PBX1: variants seen among roughly 807,000 people sequenced by gnomAD.
PBX1 encodes pre-B-cell leukemia transcription factor 1.
In PBX1, 6 loss-of-function variants were observed where a neutral mutation model predicts 53.4. That is an observed-to-expected ratio of 0.11 (90% CI 0.06 to 0.22). PBX1 has a LOEUF of 0.22. Ranked by LOEUF, PBX1 falls within the 10% of genes least tolerant of loss-of-function variation. The pLI, the probability that PBX1 is intolerant of heterozygous loss-of-function variation, is 1.00. For missense variants in PBX1, 251 were observed against 551.4 expected, an observed-to-expected ratio of 0.46 and a Z score of 5.46; for synonymous variants, 204 against 212.3, an observed-to-expected ratio of 0.96 and a Z score of 0.34.
intron 2 of PBX1, among the ~76,000 whole-genome samples, chr1:164,688,976 G>C (rs1482940970): frequency 6.6e-6 from 1 of 152,244 alleles, no homozygotes; most frequent in Non-Finnish European, 1.5e-5. Flanking sequence ...CCTGTGTCTG[G>C]CTGGAGGGTG....
At chr1:164,836,615 G>A (rs936719008) in intron 8 of PBX1, among the ~76,000 whole-genome samples, 9 of 152,074 alleles carry the variant, frequency 5.9e-5, no homozygotes, top group Non-Finnish European at 5.9e-5. Context: ...CTAGCACTCC[G>A]TTCTCGTACA....
intron 2 of PBX1, among the ~76,000 whole-genome samples, chr1:164,740,370 A>T (rs1665540376): frequency 6.6e-6 from 1 of 152,142 alleles, no homozygotes; most frequent in Non-Finnish European, 1.5e-5. Flanking sequence ...GAAAAAATAA[A>T]AAAAAAATGA....
In PBX1 at chr1:164,806,890, A is replaced by C. The variant is rs776844395; in HGVS notation, c.702-652A>C. On this transcript the variant is annotated intron_variant, in intron 4 of 8. Transcript: ENST00000420696. Reference sequence around the variant, plus strand: ...TTCCCTACTCTCACCCTGTGAAGTCAGTATCACCCTCTTCACTTTCACGGA... The same window carrying C: ...TTCCCTACTCTCACCCTGTGAAGTCCGTATCACCCTCTTCACTTTCACGGA... Among the ~76,000 whole-genome samples, 3 of 152,200 alleles carry C rather than the reference A, an allele frequency of 2.0e-5. No homozygotes were observed. The East Asian group carries it at 5.8e-4, about 29-fold the overall frequency.
At chr1:164,686,733 C>T (rs984016005) in intron 2 of PBX1, among the ~76,000 whole-genome samples, 8 of 151,808 alleles carry the variant, frequency 5.3e-5, no homozygotes, top group East Asian at 3.9e-4. Context: ...CTGAGGCGGG[C>T]GGATCACGAG....
Position 164,846,702 on chromosome 1 carries a change from A to G in PBX1, c.*26A>G. 1 of 1,613,856 alleles carries G rather than the reference A, an allele frequency of 6.2e-7. No individual in the cohort carries two copies. The highest frequency in any genetic ancestry group is 8.5e-7 in the Non-Finnish European group (1 of 1,179,912). On this transcript the variant is annotated 3_prime_UTR_variant, in exon 9 of 9. Transcript: ENST00000420696. ...TCTCCCAGCAATCGCATCCCGGCTGACCCTGTGCCCCAGTTGGGGCAGGGG... is the reference window on the plus strand; with the variant it reads ...TCTCCCAGCAATCGCATCCCGGCTGGCCCTGTGCCCCAGTTGGGGCAGGGG...
chr1:164,592,886 C>G (rs71519263), intron 2 of PBX1, among the ~76,000 whole-genome samples: 19,338 of 152,192 alleles, frequency 0.13, 1,781 homozygotes, highest in East Asian at 0.41. Flanking sequence ...TGCTCTCTCT[C>G]CTTCCCCACA....
At chr1:164,781,230 A>T (rs1667918592) in intron 2 of PBX1, among the ~76,000 whole-genome samples, 1 of 152,138 alleles carries the variant, frequency 6.6e-6, no homozygotes, top group African/African-American at 2.4e-5. Flanking sequence ...GTGTTTTGAA[A>T]TGGACCTGGG....
intron 2 of PBX1, among the ~76,000 whole-genome samples, chr1:164,781,611 ACTC>A (rs1014523580): frequency 1.3e-5 from 2 of 151,834 alleles, no homozygotes; most frequent in African/African-American, 4.8e-5. Context: ...ATATACAGCC[ACTC>A]CTCACCACCT....
At chr1:164,841,212 A>T (rs1671274398) in intron 8 of PBX1, among the ~76,000 whole-genome samples, 1 of 152,156 alleles carries the variant, frequency 6.6e-6, no homozygotes, top group Non-Finnish European at 1.5e-5. Context: ...GTGCAAAGAT[A>T]TTCAAATTCA....
rs187605057 is a variant in PBX1 at position 164,644,181 on chromosome 1, C to A, written c.265+80870C>A. ...GCCAGCTGCTTTCTGGTTTTCATTT[C>A]ATACATTAGATGAAAGCCGTGGGGG... On this transcript the variant is annotated intron_variant, in intron 2 of 8. Coordinates refer to ENST00000420696, the MANE Select transcript of PBX1 (RefSeq NM_002585.4). 1.2e-4 allele frequency among the ~76,000 whole-genome samples: 19 copies of A among 152,286 alleles called. No homozygotes were observed. In the East Asian group the frequency reaches 2.7e-3, roughly 22 times the overall value.
chr1:164,776,977 G>T (rs58489802), intron 2 of PBX1, among the ~76,000 whole-genome samples: 7,377 of 77,500 alleles, frequency 0.095, 674 homozygotes, highest in African/African-American at 0.13. Context: ...GAGAGAGAGA[G>T]AGGAGGTGTG....
intron 2 of PBX1, chr1:164,680,533 T>C (rs1661699769): frequency 6.6e-6 from 1 of 152,220 alleles, no homozygotes; most frequent in South Asian, 2.1e-4. Context: ...CAATGACTGC[T>C]ACAGGGCTGC....
chr1:164,848,873 A>G lies in PBX1; in HGVS notation c.*2197A>G, dbSNP rs2102425002. ...GCAGGGGATGCCACTGAAGAAACTC[A>G]AGGGAATGTGTATTTGAAGGAAATG... On this transcript the variant is annotated 3_prime_UTR_variant, in exon 9 of 9. Coordinates refer to ENST00000420696, the MANE Select transcript of PBX1 (RefSeq NM_002585.4). 2 of 1,066,564 alleles carry G rather than the reference A, an allele frequency of 1.9e-6. No homozygotes were observed. Among genetic ancestry groups the G allele is most frequent in the East Asian group, 5.0e-5 (1 of 20,048 alleles). 66.1% of individuals were successfully genotyped at this position (1,066,564 alleles called of 1,614,324 possible).
chr1:164,699,481 A>G (rs1662981039), intron 2 of PBX1, among the ~76,000 whole-genome samples: 1 of 152,202 alleles, frequency 6.6e-6, no homozygotes. Flanking sequence ...TCCAGAAAAG[A>G]TGACCATAAT....
downstream of PBX1, among the ~76,000 whole-genome samples, chr1:164,852,222 A>T (rs1671870270): frequency 6.6e-6 from 1 of 152,206 alleles, no homozygotes; most frequent in South Asian, 2.1e-4. Flanking sequence ...TGATCTGGTC[A>T]TAAGAAAAAT....
intron 1 of PBX1, chr1:164,560,405 GT>G: frequency 2.5e-6 from 1 of 393,062 alleles, no homozygotes; most frequent in Non-Finnish European, 4.5e-6. Context: ...ATGCCTTCTT[GT>G]TGAGGGGACT....
chr1:164,832,083 A>AT (rs1478844926), intron 8 of PBX1, among the ~76,000 whole-genome samples: 5 of 152,198 alleles, frequency 3.3e-5, no homozygotes, highest in Non-Finnish European at 5.9e-5. Context: ...TGATTACCTC[A>AT]CTATTACATT....
At chr1:164,695,999 T>C (rs1446839160) in intron 2 of PBX1, among the ~76,000 whole-genome samples, 1 of 152,178 alleles carries the variant, frequency 6.6e-6, no homozygotes, top group Non-Finnish European at 1.5e-5. Context: ...GGAAGTAGGA[T>C]AGAGTAGGCA....
At chr1:164,643,538 C>T (rs1229248767) in intron 2 of PBX1, among the ~76,000 whole-genome samples, 1 of 152,170 alleles carries the variant, frequency 6.6e-6, no homozygotes, top group Non-Finnish European at 1.5e-5. Context: ...GACCTCCCAC[C>T]ATGTGCCAAA....
Sources: allele counts gnomAD v4.1 joint callset (sites outside exome capture counted in the v4.1 genomes callset), GRCh38; gene constraint gnomAD v4.1.1; transcripts MANE v1.5; gene names NCBI Gene and HGNC (gene_info 2026-07-23, HGNC 2026-07-21).